The following NIN variants were observed in gnomAD, a reference collection of about 807,000 sequenced individuals.
NIN encodes the protein ninein, also known as glycogen synthase kinase 3 beta-interacting protein.
Under a neutral mutation model 257.6 loss-of-function variants are expected in NIN, and 137 were observed. The observed-to-expected ratio is 0.53, with a 90% CI of 0.46 to 0.61. The LOEUF is 0.61. NIN is among the 20% of genes least tolerant of loss of function. NIN has a pLI of 0.00. For missense variants in NIN, 2,439 were observed against 2,501.2 expected (o/e 0.98, Z 0.53); for synonymous variants, 918 against 919.8 (o/e 1.00, Z 0.04).
chr14:50,771,081 C>T, intron 10 of NIN, 89 bp from the exon 11 acceptor site: 1 of 1,474,520 alleles, frequency 6.8e-7, no homozygotes, highest in Non-Finnish European at 9.1e-7. Context: ...TGCATCAATA[C>T]AGAAGCAAAA....
In NIN at chr14:50,778,819, A is replaced by G. The variant is rs761320945; in HGVS notation, c.436-15T>C. ...GTCTTCCAGTGCTAGAGAAGGCAAG[A>G]GAAGATTAGTGTGCTTTAGAACTTA... On this transcript the variant is annotated splice_polypyrimidine_tract_variant and intron_variant, in intron 5 of 30. Transcript: ENST00000530997. 1 of 1,613,910 alleles carries G rather than the reference A, an allele frequency of 6.2e-7. No homozygotes were observed. The highest frequency in any genetic ancestry group is 8.5e-7 in the Non-Finnish European group (1 of 1,179,798).
chr14:50,725,748 A>T, intron 30 of NIN: 4 of 838,824 alleles, frequency 4.8e-6, no homozygotes, highest in Non-Finnish European at 7.5e-6. Context: ...ACATGCCTTA[A>T]ACAGAGCTTT....
At chr14:50,755,938 A>G (rs1203326114) in intron 18 of NIN, among the ~76,000 whole-genome samples, 4 of 152,058 alleles carry the variant, frequency 2.6e-5, no homozygotes, top group Non-Finnish European at 5.9e-5. Flanking sequence ...AACAGTTGAG[A>G]TTGCAGGCAT....
At chr14:50,778,999 A>G (rs2043025309) in intron 5 of NIN, among the ~76,000 whole-genome samples, 195 bp from the exon 6 acceptor site, 1 of 152,194 alleles carries the variant, frequency 6.6e-6, no homozygotes, top group Admixed American at 6.5e-5. Context: ...GACTCCTAAG[A>G]AACACCACAC....
intron 3 of NIN, among the ~76,000 whole-genome samples, chr14:50,817,734 T>G (rs566491039): frequency 6.6e-6 from 1 of 152,250 alleles, no homozygotes; most frequent in East Asian, 1.9e-4. Context: ...AAGGAGTTTT[T>G]GAAACGGAAT....
intron 5 of NIN, among the ~76,000 whole-genome samples, chr14:50,787,433 G>A (rs1228839838): frequency 1.3e-5 from 2 of 152,104 alleles, no homozygotes; most frequent in African/African-American, 4.8e-5. Flanking sequence ...TAATATTCAA[G>A]GGAAAAAATG....
intron 21 of NIN, among the ~76,000 whole-genome samples, chr14:50,749,639 T>C (rs1399512525): frequency 6.6e-6 from 1 of 152,198 alleles, no homozygotes; most frequent in African/African-American, 2.4e-5. Context: ...AGCTGTTGTT[T>C]TCCCTCCCAG....
Position 50,743,501 on chromosome 14 carries a change from C to T in NIN, c.5216G>A (p.Arg1739Lys). ...CTGTTCCTGCTTCATCGTCGCAATTCTATGCTCTAAAAGACTTGATTTTGC... is the reference window on the plus strand; with the variant it reads ...CTGTTCCTGCTTCATCGTCGCAATTTTATGCTCTAAAAGACTTGATTTTGC... ...KLAKSSLLEH[R>K]IATMKQEQKS... is the part of the protein sequence containing the mutation. Residue 1739 changes from arginine (R) to lysine (K), a missense_variant, in exon 24 of 31, where the codon AGA becomes AAA. Physicochemically the swap from Arg to Lys is conservative, Grantham distance 26 (BLOSUM62 2). Around this residue, in one of 3 missense-constraint regions of NIN, gnomAD observed 2,043 missense variants for 2,050.2 expected, o/e 1.00. Transcript: ENST00000530997. The T allele has an allele frequency of 1.9e-6, 3 of 1,613,544 alleles. No homozygotes were observed. Among genetic ancestry groups the T allele is most frequent in the Non-Finnish European group, 2.5e-6 (3 of 1,179,514 alleles).
chr14:50,801,150 G>A (rs1389987909), intron 4 of NIN, among the ~76,000 whole-genome samples: 2 of 147,966 alleles, frequency 1.4e-5, no homozygotes, highest in East Asian at 3.9e-4. Flanking sequence ...GTGTGCAGTG[G>A]TGCGATCTCA....
chr14:50,792,554 A>C (rs1242175885), intron 5 of NIN, 158 bp downstream of exon 5: 2 of 716,268 alleles, frequency 2.8e-6, no homozygotes, highest in African/African-American at 3.6e-5. Flanking sequence ...GAAACATTAT[A>C]TATGTCCAAA....
At chr14:50,811,051 G>A (rs2142271015) in intron 3 of NIN, among the ~76,000 whole-genome samples, 1 of 151,592 alleles carries the variant, frequency 6.6e-6, no homozygotes, top group African/African-American at 2.4e-5. Flanking sequence ...CTGGTGTTGG[G>A]GCATGTATCC....
chr14:50,731,056 T>G (rs779529122), intron 28 of NIN: 1 of 643,416 alleles, frequency 1.6e-6, no homozygotes, highest in Non-Finnish European at 2.5e-6. Flanking sequence ...GTATGAGTAA[T>G]AAAAAGAGAA....
At chr14:50,744,393 C>T in intron 22 of NIN, 28 bp from the exon 23 acceptor site, 1 of 1,610,400 alleles carries the variant, frequency 6.2e-7, no homozygotes. Context: ...ATGAGCCCTC[C>T]CATCACATCT....
chr14:50,739,338 G>A lies in NIN; in HGVS notation c.5598C>T (p.Thr1866=), dbSNP rs147377639. 13 of 1,614,138 alleles carry A rather than the reference G, an allele frequency of 8.1e-6. No homozygotes were observed. In the African/African-American group the frequency reaches 1.6e-4, roughly 20 times the overall value. The change falls in exon 26 of 31, where the codon ACC becomes ACT. Residue 1866 remains threonine (T), a synonymous_variant. Transcript: ENST00000530997. ...CCCGGGAGTGCGTGAGTTCGGCTTT[G>A]GTGTTCTGTACCATGGTCTGGAGCC... ...NERLQTMVQN[T]KAELTHSREK...
intron 3 of NIN, among the ~76,000 whole-genome samples, chr14:50,808,208 A>G (rs2044417993): frequency 6.6e-6 from 1 of 152,062 alleles, no homozygotes; most frequent in African/African-American, 2.4e-5. Flanking sequence ...AAGGTAGGCT[A>G]TGTTAATTAG....
At chr14:50,794,471 T>A (rs536977522) in intron 4 of NIN, 12 of 999,542 alleles carry the variant, frequency 1.2e-5, no homozygotes, top group Non-Finnish European at 1.4e-5. Flanking sequence ...CTTGTGACCA[T>A]TCAGGAGCGG....
At position 50,770,938 on chromosome 14, in the gene NIN, G is replaced by T. The variant is rs1424773962; in HGVS notation, c.1173C>A (p.Asp391Glu). 1.2e-6 allele frequency: 2 copies of T among 1,614,080 alleles called. No individual in the cohort carries two copies. The highest frequency in any genetic ancestry group is 1.7e-6 in the Non-Finnish European group (2 of 1,180,030). ...REKEKLRSDL[D>E]KAEKLKSLMA... ...TTAAAGACTTGAGCTTCTCGGCCTT[G>T]TCCAGATCTGACCGTAGCTTCTCTT... The change falls in exon 11 of 31, where the codon GAC (aspartate) becomes GAA (glutamate). Residue 391 changes from aspartate to glutamate, a missense_variant. Transcript: ENST00000530997.
At chr14:50,787,028 C>A (rs1052564876) in intron 5 of NIN, among the ~76,000 whole-genome samples, 17 of 152,194 alleles carry the variant, frequency 1.1e-4, no homozygotes, top group Non-Finnish European at 1.3e-4. Flanking sequence ...AGTCCCAACA[C>A]AAAGACTGGA....
At chr14:50,763,152 G>A (rs1437758288) in intron 15 of NIN, among the ~76,000 whole-genome samples, 1 of 151,970 alleles carries the variant, frequency 6.6e-6, no homozygotes, top group African/African-American at 2.4e-5. Context: ...ATAGCACTGG[G>A]GAAAGTTATT....
Sources: allele counts gnomAD v4.1 joint callset (sites outside exome capture counted in the v4.1 genomes callset), GRCh38; gene constraint gnomAD v4.1.1; regional missense constraint gnomAD v4.1.1; transcripts MANE v1.5; gene names NCBI Gene and HGNC (gene_info 2026-07-23, HGNC 2026-07-21).